The following POLG2 variants were observed in gnomAD, a reference collection of about 807,000 sequenced individuals.
POLG2 encodes the protein DNA polymerase subunit gamma-2.
POLG2 carries 50 observed loss-of-function variants against 56.5 expected under a neutral mutation model. That is an observed-to-expected ratio of 0.88 (90% confidence interval 0.71 to 1.12). The LOEUF (loss-of-function observed/expected upper bound fraction) is 1.12. Among genes scored for constraint, POLG2 ranks in the 50% most tolerant of loss-of-function variants. The probability of loss-of-function intolerance (pLI) is 0.00; values close to 1 mark genes in which losing one functional copy is unlikely to be tolerated. For synonymous variants in POLG2, 226 were observed against 222.6 expected, an observed-to-expected ratio of 1.02 and a Z score of -0.14; for missense variants, 584 against 583.3, an observed-to-expected ratio of 1.00 and a Z score of -0.01.
At chr17:64,490,759 G>C (rs377539151) in intron 4 of POLG2, 37 bp downstream of exon 4, 74 of 1,510,362 alleles carry the variant, frequency 4.9e-5, no homozygotes, top group African/African-American at 6.9e-5. Context: ...TAGAGAATCT[G>C]GGTAAAAAAT....
In POLG2 at chr17:64,496,632, C is replaced by G; in HGVS notation, c.337G>C (p.Glu113Gln). The G allele has an allele frequency of 1.9e-6, 3 of 1,614,070 alleles. No individual in the cohort carries two copies. Reference sequence around the variant, plus strand: ...AACACCACCACCGAGGTCCACCATTCTGCGGCCAGGTTCTTCCGCAACTCT... The same window carrying G: ...AACACCACCACCGAGGTCCACCATTGTGCGGCCAGGTTCTTCCGCAACTCT... Reference protein sequence around the residue: ...GVELRKNLAAEWWTSVVVFRE... With the variant: ...GVELRKNLAAQWWTSVVVFRE... Residue 113 changes from glutamate (E) to glutamine (Q), a missense_variant, in exon 1 of 8, where the codon GAA becomes CAA. By Grantham distance (29) the Glu-to-Gln change is conservative. Coordinates refer to ENST00000539111, the MANE Select transcript of POLG2 (RefSeq NM_007215.4).
intron 7 of POLG2, among the ~76,000 whole-genome samples, chr17:64,479,947 A>G (rs189341684): frequency 1.2e-4 from 18 of 152,340 alleles, no homozygotes; most frequent in East Asian, 1.2e-3. Context: ...ATGGACCACA[A>G]TGCCAGCAAA....
At position 64,496,629 on chromosome 17, in the gene POLG2, A is replaced by T. The variant is rs781959851; in HGVS notation, c.340T>A (p.Trp114Arg). 2.5e-6 allele frequency: 4 copies of T among 1,613,896 alleles called. No individual in the cohort carries two copies. The highest frequency in any genetic ancestry group is 3.4e-6 in the Non-Finnish European group (4 of 1,179,928). The change falls in exon 1 of 8, where the codon TGG becomes AGG. Residue 114 changes from tryptophan (W) to arginine (R), a missense_variant. Coordinates refer to ENST00000539111, the MANE Select transcript of POLG2 (RefSeq NM_007215.4). Reference sequence around the variant, plus strand: ...CTGAACACCACCACCGAGGTCCACCATTCTGCGGCCAGGTTCTTCCGCAAC... The same window carrying T: ...CTGAACACCACCACCGAGGTCCACCTTTCTGCGGCCAGGTTCTTCCGCAAC... ...VELRKNLAAE[W>R]WTSVVVFREQ...
At position 64,497,033 on chromosome 17, in the gene POLG2, C is replaced by T. The variant is rs889151949; in HGVS notation, c.-65G>A. 2.7e-6 allele frequency: 4 copies of T among 1,492,708 alleles called. No homozygotes were observed. Among genetic ancestry groups the T allele is most frequent in the Non-Finnish European group, 9.2e-7 (1 of 1,083,300 alleles). 92.5% of individuals were successfully genotyped at this position (1,492,708 alleles called of 1,614,324 possible). On this transcript the variant is annotated 5_prime_UTR_variant, in exon 1 of 8. Transcript: ENST00000539111. ...ACGGATCCCAACAAGCCACCACTACCGTTAACAGAATCCGGAGAGGCCACG... is the reference window on the plus strand; with the variant it reads ...ACGGATCCCAACAAGCCACCACTACTGTTAACAGAATCCGGAGAGGCCACG...
In POLG2 at chr17:64,492,660, G is replaced by A; in HGVS notation, c.795+7C>T. ...AACTATTAAATTAAAGGTAATTATT[G>A]CAGTACCTTTCTCCACCACTGGAGT... is the stretch of plus-strand genomic sequence containing the variant. On this transcript the variant is annotated splice_region_variant and intron_variant, in intron 3 of 7. Transcript: ENST00000539111. 1 of 1,521,740 alleles carries A rather than the reference G, an allele frequency of 6.6e-7. No individual in the cohort carries two copies. The highest frequency in any genetic ancestry group is 1.1e-5 in the South Asian group (1 of 89,054). The allele number at this position is 1,521,740 out of a possible 1,614,324, so 94.3% of individuals were successfully genotyped here. A position where few individuals can be genotyped will look rare whatever the true frequency, so the allele number is the denominator to read the frequency against.
chr17:64,488,290 C>T (rs1184106463), intron 4 of POLG2, among the ~76,000 whole-genome samples: 3 of 152,116 alleles, frequency 2.0e-5, no homozygotes, highest in Admixed American at 1.3e-4. Flanking sequence ...TATTTTATAA[C>T]ATGTTCAACT....
chr17:64,493,311 T>C (rs1386150888), intron 1 of POLG2, among the ~76,000 whole-genome samples: 1 of 152,002 alleles, frequency 6.6e-6, no homozygotes, highest in Non-Finnish European at 1.5e-5. Flanking sequence ...CCCAGCTACT[T>C]GGAAAGCTGG....
At position 64,489,738 on chromosome 17, in the gene POLG2, T is replaced by TA. The variant is rs1318972102; in HGVS notation, c.969+1057dup. Among the ~76,000 whole-genome samples, 5 of 150,994 alleles carry TA rather than the reference T, an allele frequency of 3.3e-5. No homozygotes were observed. In the South Asian group the frequency reaches 8.4e-4, roughly 25 times the overall value. On this transcript the variant is annotated intron_variant, in intron 4 of 7. Coordinates refer to ENST00000539111, the MANE Select transcript of POLG2 (RefSeq NM_007215.4). Reference sequence around the variant, plus strand: ...TACCACTGTGTTTCAGCCTGAGTGATAGAGTGAGATCCTGTCTCAAATAAA... The same window carrying TA: ...TACCACTGTGTTTCAGCCTGAGTGATAAGAGTGAGATCCTGTCTCAAATAAA...
At chr17:64,479,807 AG>A (rs1198616231) in intron 7 of POLG2, among the ~76,000 whole-genome samples, 10 of 152,204 alleles carry the variant, frequency 6.6e-5, no homozygotes, top group African/African-American at 2.4e-4. Flanking sequence ...AGAATGAGGA[AG>A]AGGGAGGAGT....
Position 64,477,951 on chromosome 17 carries a change from T to C in POLG2, c.1330A>G (p.Thr444Ala), listed in dbSNP as rs1555665798. 5.0e-6 allele frequency: 8 copies of C among 1,613,986 alleles called. No individual in the cohort carries two copies. The highest frequency in any genetic ancestry group is 4.4e-5 in the South Asian group (4 of 91,072). ...EMSILFTVLV[T>A]ETTLENGLIH... ...AATCCATTCTCCAAAGTAGTTTCAG[T>C]AACCAAAACTGTGAAGAGAATACTC... The change falls in exon 8 of 8, where the codon ACT becomes GCT. Residue 444 changes from threonine (T) to alanine (A), a missense_variant. Physicochemically the swap from Thr to Ala is moderately conservative, Grantham distance 58. Coordinates refer to ENST00000539111, the MANE Select transcript of POLG2 (RefSeq NM_007215.4).
intron 4 of POLG2, among the ~76,000 whole-genome samples, chr17:64,489,622 T>C (rs916677290): frequency 3.3e-5 from 5 of 152,054 alleles, no homozygotes; most frequent in African/African-American, 9.7e-5. Flanking sequence ...CAGTCGGGCA[T>C]GGTGATACAT....
intron 5 of POLG2, chr17:64,485,482 T>C (rs1175952875): frequency 6.0e-6 from 3 of 498,298 alleles, no homozygotes; most frequent in Admixed American, 6.5e-5. Context: ...GTCATAGAGA[T>C]AGCTGTCTGT....
intron 6 of POLG2, among the ~76,000 whole-genome samples, chr17:64,482,174 G>A (rs150525572): frequency 0.044 from 6,354 of 145,190 alleles, 185 homozygotes; most frequent in African/African-American, 0.092. Flanking sequence ...TGCGATCTCG[G>A]CTCACTGCAA....
At position 64,480,331 on chromosome 17, in the gene POLG2, T is replaced by C. The variant is rs782737658; in HGVS notation, c.1250A>G (p.Tyr417Cys). 3 of 1,600,834 alleles carry C rather than the reference T, an allele frequency of 1.9e-6. No individual in the cohort carries two copies. Among genetic ancestry groups the C allele is most frequent in the East Asian group, 4.5e-5 (2 of 44,576 alleles). Reference sequence around the variant, plus strand: ...CAATGAGGACTGCATAGTTTCCAAATAACCAGGCCACACAGAAATCCCATT... The same window carrying C: ...CAATGAGGACTGCATAGTTTCCAAACAACCAGGCCACACAGAAATCCCATT... ...LENGISVWPG[Y>C]LETMQSSLEQ... The change falls in exon 7 of 8, where the codon TAT (tyrosine) becomes TGT (cysteine). Residue 417 changes from tyrosine to cysteine, a missense_variant. Transcript: ENST00000539111.
chr17:64,485,560 T>C, intron 5 of POLG2, 168 bp downstream of exon 5: 2 of 641,348 alleles, frequency 3.1e-6, no homozygotes, highest in Non-Finnish European at 2.7e-6. Context: ...TGTGAGAACC[T>C]GATTCTTATT....
At chr17:64,490,381 G>A (rs781988613) in intron 4 of POLG2, 6 of 230,360 alleles carry the variant, frequency 2.6e-5, no homozygotes, top group Non-Finnish European at 5.2e-5. Flanking sequence ...TAGTACTCCC[G>A]ACAAAAATAC....
chr17:64,486,361 C>CT (rs56703110), intron 4 of POLG2, among the ~76,000 whole-genome samples: 40,179 of 141,186 alleles, frequency 0.28, 10,351 homozygotes, highest in African/African-American at 0.69. Context: ...AAAGGTAACA[C>CT]TTTTTTTTTT....
At chr17:64,493,244 C>T (rs1423000087) in intron 1 of POLG2, among the ~76,000 whole-genome samples, 2 of 152,022 alleles carry the variant, frequency 1.3e-5, no homozygotes, top group African/African-American at 4.8e-5. Context: ...CACAGCAAAA[C>T]CCCATCTCTA....
chr17:64,483,553 T>A (rs2037900274), intron 5 of POLG2, among the ~76,000 whole-genome samples: 1 of 151,544 alleles, frequency 6.6e-6, no homozygotes, highest in African/African-American at 2.4e-5. Flanking sequence ...ACCCTCCCAT[T>A]TTCTGACAAC....
Sources: allele counts gnomAD v4.1 joint callset (sites outside exome capture counted in the v4.1 genomes callset), GRCh38; gene constraint gnomAD v4.1.1; transcripts MANE v1.5; gene names NCBI Gene and HGNC (gene_info 2026-07-23, HGNC 2026-07-21).